Variants in ZNF142 observed in about 807,000 individuals in gnomAD.
The protein encoded by ZNF142 is zinc finger protein 142 (clone pHZ-49).
A neutral mutation model predicts 132.1 loss-of-function variants in ZNF142; 96 were observed. The observed-to-expected ratio is 0.73, with a 90% CI of 0.62 to 0.86. The LOEUF is 0.86. Ranked by LOEUF, ZNF142 falls within the 40% of genes least tolerant of loss-of-function variation. ZNF142 has a pLI of 0.00. For missense variants in ZNF142, 2,163 were observed against 2,336.2 expected (o/e 0.93, Z 1.53); for synonymous variants, 842 against 890.1 (o/e 0.95, Z 0.96).
rs776523531 is a variant in ZNF142, at chr2:218,635,897, A to G, written c.*2442T>C. The G allele has an allele frequency of 3.0e-5, 48 of 1,613,932 alleles. No individual in the cohort carries two copies. The highest frequency in any genetic ancestry group is 3.9e-5 in the Non-Finnish European group (46 of 1,179,914). ...AGATCTTTGGCGTTCGTCTAGACAC[A>G]GCACGGCAGGAGACCAACTATGTGG... On this transcript the variant is annotated 3_prime_UTR_variant, in exon 11 of 11. Transcript: ENST00000411696.
rs370787555 is a variant in ZNF142, at chr2:218,642,775, C to T, written c.4341G>A (p.Arg1447=). 6.2e-7 allele frequency: 1 copy of T among 1,614,058 alleles called. No homozygotes were observed. The highest frequency in any genetic ancestry group is 1.3e-5 in the African/African-American group (1 of 74,924). ...FGTNSKLRLH[R]LRVHDKTPTH... ...TAGGTGTTTTGTCATGTACCCTTAA[C>T]CGGTGCAAGCGCAGTTTCGAGTTGG... The change falls in exon 9 of 11, where the codon CGG becomes CGA. Residue 1447 remains arginine, a synonymous_variant. Coordinates refer to ENST00000411696, the MANE Select transcript of ZNF142 (RefSeq NM_001379659.1). The surrounding 1 kb of genome is among the most constrained non-coding windows in gnomAD (Gnocchi z 4.6).
intron 7 of ZNF142, among the ~76,000 whole-genome samples, chr2:218,647,949 G>A (rs1378276118): frequency 6.6e-6 from 1 of 152,192 alleles, no homozygotes; most frequent in Non-Finnish European, 1.5e-5. Context: ...GCATGTACAG[G>A]AATGAGTTCA....
chr2:218,657,509 A>G (rs965099552), intron 3 of ZNF142, among the ~76,000 whole-genome samples: 3 of 151,444 alleles, frequency 2.0e-5, no homozygotes, highest in Non-Finnish European at 2.9e-5. Context: ...GCTCACTACA[A>G]CCTCTGCCTC....
chr2:218,648,070 C>T (rs892881356), intron 7 of ZNF142, among the ~76,000 whole-genome samples: 2 of 152,176 alleles, frequency 1.3e-5, no homozygotes, highest in Non-Finnish European at 2.9e-5. Context: ...ATAGAGATCA[C>T]AAATGGGATG....
At chr2:218,657,986 G>A (rs1938713562) in intron 3 of ZNF142, among the ~76,000 whole-genome samples, 2 of 152,270 alleles carry the variant, frequency 1.3e-5, no homozygotes, top group South Asian at 4.1e-4. Flanking sequence ...GAGCTGCATT[G>A]GAGTAAAGCT....
At position 218,642,716 on chromosome 2, in the gene ZNF142, T is replaced by C. The variant is rs1441083699; in HGVS notation, c.4400A>G (p.Tyr1467Cys). Residue 1467 changes from tyrosine (Y) to cysteine (C), a missense_variant, in exon 9 of 11, where the codon TAC becomes TGC. By Grantham distance (194) the Tyr-to-Cys change is radical (BLOSUM62 -2). Coordinates refer to ENST00000411696, the MANE Select transcript of ZNF142 (RefSeq NM_001379659.1). This position sits in a 1 kb window ranked among gnomAD's most constrained non-coding sequence, Gnocchi z 4.6. ...ATGACGAGTGATGTCATGGCGAAGG[T>C]AGCCACTATAGTCACAAAGTGGACA... ...HFCPLCDYSG[Y>C]LRHDITRHVN... 9.9e-6 allele frequency: 16 copies of C among 1,614,092 alleles called. No individual in the cohort carries two copies. Among genetic ancestry groups the C allele is most frequent in the Non-Finnish European group, 1.3e-5 (15 of 1,180,018 alleles).
Position 218,635,617 on chromosome 2 carries a change from G to A in ZNF142, c.*2722C>T, listed in dbSNP as rs1696684138. Among the ~76,000 whole-genome samples, 1 of 152,202 alleles carries A rather than the reference G, an allele frequency of 6.6e-6. No individual in the cohort carries two copies. Among genetic ancestry groups the A allele is most frequent in the African/African-American group, 2.4e-5 (1 of 41,450 alleles). On this transcript the variant is annotated 3_prime_UTR_variant, in exon 11 of 11. Transcript: ENST00000411696. ...TGAAGTGTTGGGATTACAGGTGTGAGCCACCGTGCCCGGCCTTTGGGTGCA... is the reference window on the plus strand; with the variant it reads ...TGAAGTGTTGGGATTACAGGTGTGAACCACCGTGCCCGGCCTTTGGGTGCA...
Position 218,644,432 on chromosome 2 carries a change from A to G in ZNF142, c.2684T>C (p.Leu895Pro). Residue 895 changes from leucine to proline, a missense_variant, in exon 9 of 11, where the codon CTA becomes CCA. By Grantham distance (98) the Leu-to-Pro change is moderately conservative (BLOSUM62 -3). Transcript: ENST00000411696. This position sits in a 1 kb window ranked among gnomAD's most constrained non-coding sequence, Gnocchi z 4.6. ...PAEVEEGSCTLHLEALGVELE... is the reference protein window; with the variant it reads ...PAEVEEGSCTPHLEALGVELE... ...CTCTACTCCCAGGGCCTCTAGGTGT[A>G]GTGTGCAGCTGCCCTCCTCCACCTC... The G allele has an allele frequency of 6.2e-7, 1 of 1,613,964 alleles. No individual in the cohort carries two copies. Among genetic ancestry groups the G allele is most frequent in the East Asian group, 2.2e-5 (1 of 44,848 alleles).
Position 218,642,296 on chromosome 2 carries a change from G to A in ZNF142, c.4820C>T (p.Ser1607Leu). 9.9e-6 allele frequency: 16 copies of A among 1,614,096 alleles called. No individual in the cohort carries two copies. The highest frequency in any genetic ancestry group is 1.4e-5 in the Non-Finnish European group (16 of 1,180,048). ...KHYLEQHEET[S>L]AAVAASDGDG... ...CCCATCTGAGGCTGCCACGGCTGCT[G>A]AAGTCTCCTCATGCTGTTCCAGGTA... The change falls in exon 9 of 11, where the codon TCA (serine) becomes TTA (leucine). Residue 1607 changes from serine (S) to leucine (L), a missense_variant. Coordinates refer to ENST00000411696, the MANE Select transcript of ZNF142 (RefSeq NM_001379659.1). This position sits in a 1 kb window ranked among gnomAD's most constrained non-coding sequence, Gnocchi z 4.6.
chr2:218,640,658 ACTCAC>A lies in ZNF142; in HGVS notation c.5194+1_5194+5del, dbSNP rs777830235. On this transcript the variant is annotated splice_donor_variant and splice_donor_5th_base_variant and intron_variant, in intron 10 of 10. Transcript: ENST00000411696. LOFTEE classifies it high-confidence loss of function. ...CTTCAGGCCTGTCGAAACCACACAG[ACTCAC>A]CTGTATGCTTGGTCATGTGGTATTT... The A allele has an allele frequency of 1.2e-6, 2 of 1,613,500 alleles. No homozygotes were observed. The highest frequency in any genetic ancestry group is 1.7e-6 in the Non-Finnish European group (2 of 1,179,552).
chr2:218,643,388 G>C lies in ZNF142; in HGVS notation c.3728C>G (p.Ser1243Cys), dbSNP rs763445307. The change falls in exon 9 of 11, where the codon TCT becomes TGT. Residue 1243 changes from serine (S) to cysteine (C), a missense_variant. Around this residue, in one of 7 missense-constraint regions of ZNF142, gnomAD observed 809 missense variants for 801.7 expected, o/e 1.01. Transcript: ENST00000411696. ...FLCSRLSSIT[S>C]HVAEGCRGGR... Reference sequence around the variant, plus strand: ...CCCCCTGCAGCCTTCAGCCACGTGAGAGGTAATAGAGGAGAGCCGGGAACA... The same window carrying C: ...CCCCCTGCAGCCTTCAGCCACGTGACAGGTAATAGAGGAGAGCCGGGAACA... 6.2e-7 allele frequency: 1 copy of C among 1,614,216 alleles called. No homozygotes were observed. Among genetic ancestry groups the C allele is most frequent in the South Asian group, 1.1e-5 (1 of 91,086 alleles).
chr2:218,655,312 G>A (rs1938382881), intron 4 of ZNF142, among the ~76,000 whole-genome samples: 1 of 151,724 alleles, frequency 6.6e-6, no homozygotes, highest in Admixed American at 6.6e-5. Context: ...AATATTCTTT[G>A]TCACTATACT....
Position 218,654,092 on chromosome 2 carries a change from G to A in ZNF142, c.281-1792C>T, listed in dbSNP as rs146245392. Reference sequence around the variant, plus strand: ...ATAATTTTAAAAAATAAATTGTGCCGTTACTGATGGACATTTGGGCTGTTT... The same window carrying A: ...ATAATTTTAAAAAATAAATTGTGCCATTACTGATGGACATTTGGGCTGTTT... On this transcript the variant is annotated intron_variant, in intron 4 of 10. Transcript: ENST00000411696. Among the ~76,000 whole-genome samples the A allele has an allele frequency of 8.9e-3, 1,354 of 152,224 alleles. 10 individuals carry two copies. The highest frequency in any genetic ancestry group is 0.014 in the Non-Finnish European group (963 of 68,014).
At chr2:218,658,517 G>C (rs1225593903) in intron 3 of ZNF142, among the ~76,000 whole-genome samples, 184 bp downstream of exon 3, 1 of 151,382 alleles carries the variant, frequency 6.6e-6, no homozygotes, top group Non-Finnish European at 1.5e-5. Context: ...CCCCAGCTTG[G>C]GCAACAAGAG....
In ZNF142 at chr2:218,633,877, T is replaced by C. The variant is rs528472044; in HGVS notation, c.*4462A>G. 6.2e-4 allele frequency: 673 copies of C among 1,094,192 alleles called. 1 individual carries two copies. The highest frequency in any genetic ancestry group is 8.1e-4 in the Non-Finnish European group (600 of 743,264). 67.8% of individuals were successfully genotyped at this position (1,094,192 alleles called of 1,614,324 possible). A position where few individuals can be genotyped will look rare whatever the true frequency, so the allele number is the denominator to read the frequency against. Reference sequence around the variant, plus strand: ...AGGTAGCTAAGGAGAGATGAAGGAGTTCAGAAACTCCTTAGAGCAGACAAG... The same window carrying C: ...AGGTAGCTAAGGAGAGATGAAGGAGCTCAGAAACTCCTTAGAGCAGACAAG... On this transcript the variant is annotated 3_prime_UTR_variant, in exon 11 of 11. Coordinates refer to ENST00000411696, the MANE Select transcript of ZNF142 (RefSeq NM_001379659.1).
intron 5 of ZNF142, 54 bp from the exon 6 acceptor site, chr2:218,650,580 T>G: frequency 6.8e-7 from 1 of 1,468,752 alleles, no homozygotes; most frequent in Non-Finnish European, 9.1e-7. Flanking sequence ...CAGCACTAAA[T>G]GCTTATACTT....
At position 218,635,363 on chromosome 2, in the gene ZNF142, CAG is replaced by C. The variant is rs1394174542; in HGVS notation, c.*2974_*2975del. Among the ~76,000 whole-genome samples, 2 of 152,122 alleles carry C rather than the reference CAG, an allele frequency of 1.3e-5. No homozygotes were observed. Among genetic ancestry groups the C allele is most frequent in the South Asian group, 4.1e-4 (2 of 4,832 alleles). On this transcript the variant is annotated 3_prime_UTR_variant, in exon 11 of 11. Coordinates refer to ENST00000411696, the MANE Select transcript of ZNF142 (RefSeq NM_001379659.1). ...TTTAATTTATTTGTTTATTCTGAGA[CAG>C]AGTCTTGCTCTGCTGCAGGCTGGAG...
intron 7 of ZNF142, 102 bp from the exon 8 acceptor site, chr2:218,646,450 A>G: frequency 7.5e-7 from 1 of 1,341,616 alleles, no homozygotes; most frequent in Non-Finnish European, 1.0e-6. Context: ...CCAGGGAGGA[A>G]CAACAGCTTC....
intron 9 of ZNF142, among the ~76,000 whole-genome samples, chr2:218,641,132 T>A (rs1365981803): frequency 6.6e-6 from 1 of 151,932 alleles, no homozygotes; most frequent in Admixed American, 6.6e-5. Flanking sequence ...AAAGACAGAG[T>A]CTCCATATGT....
Sources: allele counts gnomAD v4.1 joint callset (sites outside exome capture counted in the v4.1 genomes callset), GRCh38; gene constraint gnomAD v4.1.1; regional missense constraint gnomAD v4.1.1; non-coding constraint Gnocchi (gnomAD v3.1); transcripts MANE v1.5; gene names NCBI Gene and HGNC (gene_info 2026-07-23, HGNC 2026-07-21).